Variants in LINGO2 observed in about 807,000 individuals in gnomAD.
The protein encoded by LINGO2 is leucine rich repeat and Ig domain containing 2.
A neutral mutation model predicts 30.6 loss-of-function variants in LINGO2; 14 were observed. That is an observed-to-expected ratio of 0.46 (90% CI 0.30 to 0.72). LINGO2 has a LOEUF of 0.72. Ranked by LOEUF, LINGO2 falls within the 30% of genes least tolerant of loss-of-function variation. The pLI, the probability that LINGO2 is intolerant of heterozygous loss-of-function variation, is 0.07. For missense variants in LINGO2, 729 were observed against 751.7 expected (o/e 0.97, Z 0.35); for synonymous variants, 317 against 288.5 (o/e 1.10, Z -1.00).
chr9:29,109,610 T>G, the LINGO2 span, among the ~76,000 whole-genome samples: 1 of 152,288 alleles, frequency 6.6e-6, no homozygotes, highest in South Asian at 2.1e-4. Context: ...ATTCTGACTT[T>G]CATACTGTAC....
chr9:27,988,046 C>T (rs1214380247), intron 5 of LINGO2, among the ~76,000 whole-genome samples: 1 of 152,024 alleles, frequency 6.6e-6, no homozygotes, highest in Non-Finnish European at 1.5e-5. Context: ...TGTTCCCCTT[C>T]CTGTGTCCAA....
At chr9:28,308,902 G>T (rs2134243740) in intron 3 of LINGO2, among the ~76,000 whole-genome samples, 2 of 152,290 alleles carry the variant, frequency 1.3e-5, no homozygotes, top group South Asian at 4.1e-4. Flanking sequence ...ACACCAGTTA[G>T]AATGGCATTC....
At chr9:28,545,783 A>G (rs1164967221) in intron 1 of LINGO2, among the ~76,000 whole-genome samples, 1 of 152,040 alleles carries the variant, frequency 6.6e-6, no homozygotes, top group Non-Finnish European at 1.5e-5. Context: ...TACTTACTGT[A>G]TATTGTGCCT....
the LINGO2 span, among the ~76,000 whole-genome samples, chr9:28,953,833 C>A: frequency 6.6e-6 from 1 of 152,040 alleles, no homozygotes; most frequent in African/African-American, 2.4e-5. Context: ...AATCAAATAA[C>A]TTTTCATATT....
At chr9:28,669,764 T>C (rs919996671) in intron 1 of LINGO2, among the ~76,000 whole-genome samples, 3 of 152,072 alleles carry the variant, frequency 2.0e-5, no homozygotes, top group Non-Finnish European at 4.4e-5. Flanking sequence ...GTACCTCCTA[T>C]ATAAATTTAA....
At chr9:28,255,593 A>G (rs1461730392) in intron 4 of LINGO2, among the ~76,000 whole-genome samples, 1 of 152,102 alleles carries the variant, frequency 6.6e-6, no homozygotes, top group African/African-American at 2.4e-5. Context: ...CTATTATTTT[A>G]TTATTACGAC....
intron 5 of LINGO2, among the ~76,000 whole-genome samples, chr9:27,983,737 G>A (rs1030686451): frequency 6.6e-6 from 1 of 151,826 alleles, no homozygotes; most frequent in South Asian, 2.1e-4. Context: ...TTCCAATTTG[G>A]TACTTTCCCT....
the LINGO2 span, among the ~76,000 whole-genome samples, chr9:29,166,974 AAG>A: frequency 6.6e-6 from 1 of 152,120 alleles, no homozygotes; most frequent in Non-Finnish European, 1.5e-5. Context: ...TATTTTTAAT[AAG>A]AGGTTTTAGA....
At chr9:28,331,823 C>T (rs1825430319) in intron 3 of LINGO2, among the ~76,000 whole-genome samples, 1 of 145,380 alleles carries the variant, frequency 6.9e-6, no homozygotes, top group Admixed American at 7.2e-5. Flanking sequence ...CTTTAAAAAT[C>T]ACATAAAGGA....
At chr9:28,372,220 A>G (rs1031326500) in intron 3 of LINGO2, among the ~76,000 whole-genome samples, 7 of 152,248 alleles carry the variant, frequency 4.6e-5, no homozygotes, top group Non-Finnish European at 1.0e-4. Flanking sequence ...ACTTAAGTCT[A>G]TGTTGTACTT....
the LINGO2 span, among the ~76,000 whole-genome samples, chr9:28,869,964 C>T: frequency 1.3e-4 from 19 of 151,556 alleles, no homozygotes; most frequent in African/African-American, 3.4e-4. Flanking sequence ...TCAAAGCCAA[C>T]GTTATTATAC....
chr9:28,366,676 TA>T (rs201091820), intron 3 of LINGO2, among the ~76,000 whole-genome samples: 3,128 of 144,230 alleles, frequency 0.022, 50 homozygotes, highest in African/African-American at 0.056. Flanking sequence ...ATAAACCAGT[TA>T]AAAAAAAAAA....
chr9:28,760,197 T>C, the LINGO2 span, among the ~76,000 whole-genome samples: 1 of 152,014 alleles, frequency 6.6e-6, no homozygotes, highest in Non-Finnish European at 1.5e-5. Flanking sequence ...AAAGCAAACA[T>C]TTGAATAATT....
At chr9:28,975,210 A>C in the LINGO2 span, among the ~76,000 whole-genome samples, 1 of 152,128 alleles carries the variant, frequency 6.6e-6, no homozygotes, top group African/African-American at 2.4e-5. Context: ...ACAAAAGAGA[A>C]AGAAAATTCT....
At chr9:28,967,868 T>C in the LINGO2 span, among the ~76,000 whole-genome samples, 9 of 152,178 alleles carry the variant, frequency 5.9e-5, no homozygotes, top group African/African-American at 2.2e-4. Flanking sequence ...ACAGAGAAGA[T>C]TTATGCAACT....
the LINGO2 span, among the ~76,000 whole-genome samples, chr9:28,905,448 C>G: frequency 6.6e-6 from 1 of 151,272 alleles, no homozygotes; most frequent in South Asian, 2.1e-4. Flanking sequence ...AACTTAATAG[C>G]AAGAAAAAAA....
the LINGO2 span, among the ~76,000 whole-genome samples, chr9:28,818,268 A>G: frequency 2.6e-5 from 4 of 152,324 alleles, no homozygotes; most frequent in Non-Finnish European, 5.9e-5. Context: ...AGACATTTCT[A>G]AAGTACGGGT....
chr9:28,055,918 G>A (rs1824916673), intron 4 of LINGO2, among the ~76,000 whole-genome samples: 1 of 152,138 alleles, frequency 6.6e-6, no homozygotes, highest in South Asian at 2.1e-4. Context: ...TACTTCTCGA[G>A]ACCCTCACTA....
chr9:29,130,240 G>C, the LINGO2 span, among the ~76,000 whole-genome samples: 1 of 152,150 alleles, frequency 6.6e-6, no homozygotes, highest in Non-Finnish European at 1.5e-5. Flanking sequence ...TTAAGCTGAA[G>C]CTTACCCTAT....
Sources: gnomAD v4.1 joint callset for allele counts (sites outside exome capture counted in the v4.1 genomes callset) on GRCh38, gnomAD v4.1.1 for gene constraint, MANE v1.5 for transcripts, NCBI Gene and HGNC (gene_info 2026-07-23, HGNC 2026-07-21) for gene names.